Variants in ITGAL observed in about 807,000 individuals in gnomAD.
ITGAL encodes the protein integrin subunit alpha L.
Under a neutral mutation model 138.4 loss-of-function variants are expected in ITGAL, and 68 were observed. The observed-to-expected ratio is 0.49, with a 90% CI of 0.40 to 0.60. ITGAL has a LOEUF of 0.60. Among genes scored for constraint, ITGAL ranks in the 20% least tolerant of loss-of-function variants. ITGAL has a pLI of 0.00. For missense variants in ITGAL, 1,256 were observed against 1,478.6 expected, an observed-to-expected ratio of 0.85 and a Z score of 2.47; for synonymous variants, 561 against 584.3, an observed-to-expected ratio of 0.96 and a Z score of 0.57.
chr16:30,506,627 A>G, intron 20 of ITGAL, 88 bp from the exon 21 acceptor site: 2 of 511,602 alleles, frequency 3.9e-6, no homozygotes, highest in Admixed American at 3.6e-5. Flanking sequence ...GTTTTGATTT[A>G]TTTCTTTCTG....
chr16:30,510,587 G>T, intron 22 of ITGAL, 116 bp downstream of exon 22: 2 of 685,184 alleles, frequency 2.9e-6, no homozygotes, highest in Non-Finnish European at 2.6e-6. Flanking sequence ...GGTGTACCTT[G>T]CCCCTACCTA....
At chr16:30,510,034 A>C (rs1032321728) in intron 21 of ITGAL, among the ~76,000 whole-genome samples, 1 of 129,484 alleles carries the variant, frequency 7.7e-6, no homozygotes, top group Non-Finnish European at 1.7e-5. Context: ...GTAAGATCCT[A>C]TATTTAAAAA....
intron 17 of ITGAL, among the ~76,000 whole-genome samples, chr16:30,500,182 T>C (rs1597090132): frequency 6.6e-6 from 1 of 150,454 alleles, no homozygotes; most frequent in South Asian, 2.1e-4. Context: ...GCCTCCCGGG[T>C]TCAAGCGATT....
At position 30,505,273 on chromosome 16, in the gene ITGAL, AC is replaced by A; in HGVS notation, c.2268del (p.Ser757ProfsTer25). ...GCAAGGACATACCGCCCATCCTGAG[AC>A]CCTCCCTGCACTCGGAAACCTGGGA... ...QGKDIPPILR[P>X]SLHSETWEIP... On this transcript the variant is annotated frameshift_variant, in exon 19 of 31. Transcript: ENST00000356798. LOFTEE classifies it high-confidence loss of function. The A allele has an allele frequency of 6.2e-7, 1 of 1,611,632 alleles. No homozygotes were observed. The highest frequency in any genetic ancestry group is 1.3e-5 in the African/African-American group (1 of 74,914).
At chr16:30,514,487 G>A (rs532064402) in intron 25 of ITGAL, among the ~76,000 whole-genome samples, 2 of 150,504 alleles carry the variant, frequency 1.3e-5, no homozygotes, top group South Asian at 4.3e-4. Context: ...ATGTTGGCCA[G>A]GCTGGTCTTG....
chr16:30,499,490 G>T lies in ITGAL; in HGVS notation c.2145+1G>T, dbSNP rs772011310. On this transcript the variant is annotated splice_donor_variant, in intron 17 of 30. Coordinates refer to ENST00000356798, the MANE Select transcript of ITGAL (RefSeq NM_002209.3). LOFTEE classifies it high-confidence loss of function. ...CACTGACTTCTCATTTCATTTCCCG[G>T]TAAGGGAGCCAGCGCCAATGCTCTG... 2 of 1,613,332 alleles carry T rather than the reference G, an allele frequency of 1.2e-6. No individual in the cohort carries two copies. Among genetic ancestry groups the T allele is most frequent in the Admixed American group, 3.3e-5 (2 of 59,916 alleles).
At chr16:30,518,939 C>T (rs768567001) in intron 29 of ITGAL, among the ~76,000 whole-genome samples, 16 of 152,064 alleles carry the variant, frequency 1.1e-4, no homozygotes, top group Admixed American at 1.3e-4. Context: ...AAAGTTCAAT[C>T]GAGGCCGGGC....
intron 24 of ITGAL, among the ~76,000 whole-genome samples, chr16:30,513,369 T>C (rs1224134187): frequency 6.6e-6 from 1 of 152,056 alleles, no homozygotes. Flanking sequence ...GCTGAGCAGG[T>C]GAGTGGCAGG....
chr16:30,489,769 C>T (rs1391312570), intron 11 of ITGAL, among the ~76,000 whole-genome samples: 1 of 151,856 alleles, frequency 6.6e-6, no homozygotes, highest in Non-Finnish European at 1.5e-5. Flanking sequence ...AACCCTGTCT[C>T]TACTAAAAAT....
chr16:30,494,901 C>CA lies in ITGAL; in HGVS notation c.1503+51_1503+52insA. 7.2e-6 allele frequency: 11 copies of CA among 1,526,442 alleles called. No homozygotes were observed. The highest frequency in any genetic ancestry group is 8.9e-6 in the Non-Finnish European group (10 of 1,129,758). The allele number at this position is 1,526,442 out of a possible 1,614,324, so 94.6% of individuals were successfully genotyped here. Reference sequence around the variant, plus strand: ...GGGAGGAGGGAGAGCAGCAGAGATTCGCAGCTCCCAGTTATTCTGAAGGCT... The same window carrying CA: ...GGGAGGAGGGAGAGCAGCAGAGATTCAGCAGCTCCCAGTTATTCTGAAGGCT... On this transcript the variant is annotated intron_variant, in intron 13 of 30. Transcript: ENST00000356798. The surrounding 1 kb of genome is among the most constrained non-coding windows in gnomAD (Gnocchi z 4.2).
In ITGAL at chr16:30,506,961, G is replaced by A. The variant is rs937671642; in HGVS notation, c.2508+105G>A. Reference sequence around the variant, plus strand: ...ACAGCCTGAACACATGGGCAGCTGCGGGTGGACAGGGGTCTTAGGGTCATA... The same window carrying A: ...ACAGCCTGAACACATGGGCAGCTGCAGGTGGACAGGGGTCTTAGGGTCATA... On this transcript the variant is annotated intron_variant, in intron 21 of 30. Transcript: ENST00000356798. The A allele has an allele frequency of 5.7e-6, 7 of 1,222,762 alleles. No individual in the cohort carries two copies. The East Asian group carries it at 9.5e-5, about 17-fold the overall frequency. 75.7% of individuals were successfully genotyped at this position (1,222,762 alleles called of 1,614,324 possible).
rs752456590 is a variant in ITGAL, at chr16:30,496,273, G to A, written c.1680G>A (p.Gly560=). 2.5e-6 allele frequency: 4 copies of A among 1,601,798 alleles called. No individual in the cohort carries two copies. Among genetic ancestry groups the A allele is most frequent in the Non-Finnish European group, 3.4e-6 (4 of 1,172,740 alleles). The change falls in exon 14 of 31, where the codon GGG becomes GGA. Residue 560 remains glycine (G), a synonymous_variant. Transcript: ENST00000356798. ...AVYIFNGRHG[G]LSPQPSQRIE... is the part of the protein sequence containing the mutation. ...ACATCTTCAATGGGAGGCACGGGGGGCTTAGTCCCCAGCCAAGTCAGGTGA... is the reference window on the plus strand; with the variant it reads ...ACATCTTCAATGGGAGGCACGGGGGACTTAGTCCCCAGCCAAGTCAGGTGA...
Position 30,521,520 on chromosome 16 carries a change from A to C in ITGAL, c.3368A>C (p.Glu1123Ala). ...GGTTTCTTCAAACGGAACCTGAAGG[A>C]GAAGATGGAGGCTGGCAGAGGTGTC... is the stretch of plus-strand genomic sequence containing the variant. ...KVGFFKRNLK[E>A]KMEAGRGVPN... The change falls in exon 31 of 31, where the codon GAG (glutamate) becomes GCG (alanine). Residue 1123 changes from glutamate to alanine, a missense_variant. Glu to Ala is a moderately radical substitution (Grantham distance 107). Transcript: ENST00000356798. 6.2e-7 allele frequency: 1 copy of C among 1,614,126 alleles called. No homozygotes were observed. Among genetic ancestry groups the C allele is most frequent in the East Asian group, 2.2e-5 (1 of 44,894 alleles).
intron 1 of ITGAL, among the ~76,000 whole-genome samples, chr16:30,473,248 TG>T (rs2050419200): frequency 6.6e-6 from 1 of 152,054 alleles, no homozygotes; most frequent in Admixed American, 6.6e-5. Context: ...CTGGCCAACA[TG>T]GCAAAACCTC....
chr16:30,483,562 T>TC (rs1156544289), intron 7 of ITGAL, among the ~76,000 whole-genome samples: 1 of 152,176 alleles, frequency 6.6e-6, no homozygotes, highest in Non-Finnish European at 1.5e-5. Flanking sequence ...GAGTCATTCC[T>TC]CACAAAACCT....
At chr16:30,514,387 C>T (rs1280038700) in intron 25 of ITGAL, among the ~76,000 whole-genome samples, 4 of 152,104 alleles carry the variant, frequency 2.6e-5, no homozygotes, top group Non-Finnish European at 5.9e-5. Context: ...AGCCATTCTC[C>T]TACCTCAGCC....
rs758987875 is a variant in ITGAL at position 30,510,418 on chromosome 16, T to G, written c.2566T>G (p.Ser856Ala). The change falls in exon 22 of 31, where the codon TCC (serine) becomes GCC (alanine). Residue 856 changes from serine (S) to alanine (A), a missense_variant. By Grantham distance (99) the Ser-to-Ala change is moderately conservative. Around this residue, in one of 3 missense-constraint regions of ITGAL, gnomAD observed 867 missense variants for 972.5 expected, o/e 0.89. Coordinates refer to ENST00000356798, the MANE Select transcript of ITGAL (RefSeq NM_002209.3). The part of the protein sequence containing the change: ...EELPEESRLL[S>A]RALSCNVSSP... ...GCTTCCTGAAGAGTCCAGGCTTCTG[T>G]CCAGGGCATTATCTTGCAATGTGAG... 6.2e-7 allele frequency: 1 copy of G among 1,613,618 alleles called. No individual in the cohort carries two copies. The highest frequency in any genetic ancestry group is 8.5e-7 in the Non-Finnish European group (1 of 1,179,572).
In ITGAL at chr16:30,499,227, G is replaced by A. The variant is rs759112507; in HGVS notation, c.1986G>A (p.Gln662=). ...TCCAGATCAAGTCTCTCATCCCCCAGTTCCAAGGTCAGAGCTCTCCTCCTG... is the reference window on the plus strand; with the variant it reads ...TCCAGATCAAGTCTCTCATCCCCCAATTCCAAGGTCAGAGCTCTCCTCCTG... ...ICFQIKSLIP[Q]FQGRLVANLT... is the part of the protein sequence containing the mutation. The change falls in exon 16 of 31, where the codon CAG becomes CAA. Residue 662 remains glutamine (Q), a synonymous_variant. Coordinates refer to ENST00000356798, the MANE Select transcript of ITGAL (RefSeq NM_002209.3). The A allele has an allele frequency of 2.5e-6, 4 of 1,614,052 alleles. No homozygotes were observed. The African/African-American group carries it at 4.0e-5, about 16-fold the overall frequency.
At chr16:30,518,548 T>G (rs2051205205) in intron 28 of ITGAL, 76 bp from the exon 29 acceptor site, 4 of 935,202 alleles carry the variant, frequency 4.3e-6, no homozygotes, top group Non-Finnish European at 7.1e-6. Context: ...CTCCCCACTG[T>G]GTTGTGGTGG....
Sources: gnomAD v4.1 joint callset for allele counts (sites outside exome capture counted in the v4.1 genomes callset) on GRCh38, gnomAD v4.1.1 for gene constraint, gnomAD v4.1.1 regional missense constraint, Gnocchi (gnomAD v3.1) non-coding constraint, MANE v1.5 for transcripts, NCBI Gene and HGNC (gene_info 2026-07-23, HGNC 2026-07-21) for gene names.